FIGN: variants seen among roughly 807,000 people sequenced by gnomAD.
The protein encoded by FIGN is fidgetin, microtubule severing factor.
In FIGN, 11 loss-of-function variants were observed where a neutral mutation model predicts 51.3. That is an observed-to-expected ratio of 0.21 (90% CI 0.13 to 0.35). FIGN has a LOEUF of 0.35. Ranked by LOEUF, FIGN falls within the 10% of genes least tolerant of loss-of-function variation. The pLI is 1.00. For synonymous variants in FIGN, 407 were observed against 363.2 expected (o/e 1.12, Z -1.37); for missense variants, 857 against 943.6 (o/e 0.91, Z 1.20).
intron 2 of FIGN, among the ~76,000 whole-genome samples, chr2:163,682,782 C>A (rs1473364296): frequency 6.6e-6 from 1 of 152,130 alleles, no homozygotes; most frequent in Non-Finnish European, 1.5e-5. Context: ...ACGTATAGGG[C>A]CTTGTGTCAA....
intron 2 of FIGN, among the ~76,000 whole-genome samples, chr2:163,727,680 T>C (rs569374339): frequency 6.6e-6 from 1 of 152,316 alleles, no homozygotes; most frequent in South Asian, 2.1e-4. Context: ...AGTTACTTTT[T>C]CCAAGCTCTT....
chr2:163,620,337 T>C (rs1237772970), intron 2 of FIGN, among the ~76,000 whole-genome samples: 1 of 151,922 alleles, frequency 6.6e-6, no homozygotes, highest in African/African-American at 2.4e-5. Flanking sequence ...CATCTACCCT[T>C]CCCCCCAGAT....
rs1164200485 is a variant in FIGN at position 163,610,272 on chromosome 2, C to T, written c.1560G>A (p.Arg520=). The change falls in exon 3 of 3, where the codon CGG becomes CGA. Residue 520 remains arginine, a synonymous_variant. Coordinates refer to ENST00000333129, the MANE Select transcript of FIGN (RefSeq NM_018086.4). ...DAFSGLTALP[R]SILLFGPRGT... is the part of the protein sequence containing the mutation. ...CCCGAGGTCCAAATAAAAGGATGCT[C>T]CGAGGTAAGGCCGTCAGTCCACTGA... The T allele has an allele frequency of 4.3e-6, 7 of 1,613,982 alleles. No homozygotes were observed. Among genetic ancestry groups the T allele is most frequent in the Admixed American group, 1.7e-5 (1 of 59,986 alleles).
chr2:163,733,338 G>A (rs187712383), intron 2 of FIGN, among the ~76,000 whole-genome samples: 1 of 152,260 alleles, frequency 6.6e-6, no homozygotes, highest in Admixed American at 6.5e-5. Context: ...ATTATTATTA[G>A]TACTACCTAG....
At chr2:163,677,349 C>A (rs190073202) in intron 2 of FIGN, among the ~76,000 whole-genome samples, 1 of 152,182 alleles carries the variant, frequency 6.6e-6, no homozygotes, top group Non-Finnish European at 1.5e-5. Flanking sequence ...AATACCTTAA[C>A]CCCACTGACT....
Position 163,609,732 on chromosome 2 carries a change from T to G in FIGN, c.2100A>C (p.Ala700=), listed in dbSNP as rs1691190033. The G allele has an allele frequency of 6.2e-7, 1 of 1,613,970 alleles. No homozygotes were observed. Among genetic ancestry groups the G allele is most frequent in the Admixed American group, 1.7e-5 (1 of 60,002 alleles). The change falls in exon 3 of 3, where the codon GCA becomes GCC. Residue 700 remains alanine (A), a synonymous_variant. Coordinates refer to ENST00000333129, the MANE Select transcript of FIGN (RefSeq NM_018086.4). ...GCATGGCATGGAGGGGGCCCACCAC[T>G]GCTTCCTGACACAAATGAGCCACAT... ...GLDVAHLCQE[A]VVGPLHAMPA... is the part of the protein sequence containing the mutation.
chr2:163,708,447 A>G (rs768852985), intron 2 of FIGN, among the ~76,000 whole-genome samples: 4 of 152,182 alleles, frequency 2.6e-5, no homozygotes, highest in Non-Finnish European at 5.9e-5. Flanking sequence ...TTTCACAAGT[A>G]TAATGTGGAC....
intron 2 of FIGN, among the ~76,000 whole-genome samples, chr2:163,700,389 G>A (rs892396057): frequency 1.3e-5 from 2 of 152,138 alleles, no homozygotes; most frequent in African/African-American, 4.8e-5. Context: ...AGAGAAAGAA[G>A]GAAGGGGACA....
intron 2 of FIGN, among the ~76,000 whole-genome samples, chr2:163,676,037 T>C (rs1683957979): frequency 6.6e-6 from 1 of 151,616 alleles, no homozygotes; most frequent in Non-Finnish European, 1.5e-5. Flanking sequence ...AATGTAGTTG[T>C]CAATTTATTT....
intron 2 of FIGN, among the ~76,000 whole-genome samples, chr2:163,620,443 T>G (rs1191781554): frequency 6.6e-6 from 1 of 152,114 alleles, no homozygotes; most frequent in Non-Finnish European, 1.5e-5. Flanking sequence ...TTCTGCAGTA[T>G]CAACCCTCTT....
intron 2 of FIGN, among the ~76,000 whole-genome samples, chr2:163,637,043 C>T (rs1319287837): frequency 2.4e-4 from 37 of 152,106 alleles, no homozygotes; most frequent in Admixed American, 2.3e-3. Context: ...CACACCACTA[C>T]ACTCCAGCCT....
chr2:163,707,322 C>T (rs1409045354), intron 2 of FIGN, among the ~76,000 whole-genome samples: 1 of 150,484 alleles, frequency 6.6e-6, no homozygotes, highest in South Asian at 2.1e-4. Flanking sequence ...CGCCACTGCA[C>T]TCCACCCTAG....
intron 2 of FIGN, among the ~76,000 whole-genome samples, chr2:163,700,510 C>CATCA (rs1165103273): frequency 6.6e-6 from 1 of 152,124 alleles, no homozygotes; most frequent in East Asian, 1.9e-4. Flanking sequence ...TTTCAGAACA[C>CATCA]ATCAGCCTGG....
chr2:163,697,104 C>CTTT (rs1327854249), intron 2 of FIGN, among the ~76,000 whole-genome samples: 4 of 109,732 alleles, frequency 3.6e-5, no homozygotes, highest in African/African-American at 1.4e-4. Context: ...TCTTTTCTTT[C>CTTT]TTTTTTTTTT....
At chr2:163,691,055 G>A (rs1357331292) in intron 2 of FIGN, among the ~76,000 whole-genome samples, 1 of 152,132 alleles carries the variant, frequency 6.6e-6, no homozygotes, top group Non-Finnish European at 1.5e-5. Context: ...TGCTTAGAGT[G>A]AGGATCATGG....
chr2:163,646,500 T>C (rs1232137742), intron 2 of FIGN, among the ~76,000 whole-genome samples: 2 of 152,192 alleles, frequency 1.3e-5, no homozygotes, highest in African/African-American at 4.8e-5. Flanking sequence ...TCCAAAATTT[T>C]GCAGGGACAA....
At chr2:163,717,455 T>G (rs1348067424) in intron 2 of FIGN, among the ~76,000 whole-genome samples, 2 of 152,130 alleles carry the variant, frequency 1.3e-5, no homozygotes, top group Non-Finnish European at 2.9e-5. Context: ...TTTCTTTTTC[T>G]GATGTGGGCA....
At chr2:163,624,434 A>G (rs1683023347) in intron 2 of FIGN, among the ~76,000 whole-genome samples, 1 of 151,704 alleles carries the variant, frequency 6.6e-6, no homozygotes, top group Admixed American at 6.6e-5. Flanking sequence ...GAAAGAAAAA[A>G]AAAAAAGAGA....
chr2:163,661,595 C>T (rs1683685179), intron 2 of FIGN, among the ~76,000 whole-genome samples: 1 of 152,064 alleles, frequency 6.6e-6, no homozygotes, highest in South Asian at 2.1e-4. Flanking sequence ...TGTCATTTCA[C>T]CATTGATAAG....
Sources: allele counts gnomAD v4.1 joint callset (sites outside exome capture counted in the v4.1 genomes callset), GRCh38; gene constraint gnomAD v4.1.1; transcripts MANE v1.5; gene names NCBI Gene and HGNC (gene_info 2026-07-23, HGNC 2026-07-21).